PTGER3: variants seen among roughly 807,000 people sequenced by gnomAD.
The protein encoded by PTGER3 is prostaglandin E receptor 3.
PTGER3 carries 22 observed loss-of-function variants against 34.7 expected under a neutral mutation model. The observed-to-expected ratio is 0.63, with a 90% CI of 0.45 to 0.91. The LOEUF (loss-of-function observed/expected upper bound fraction) is 0.91. PTGER3 is among the 40% of genes least tolerant of loss of function. The pLI, the probability that PTGER3 is intolerant of heterozygous loss-of-function variation, is 0.00. For missense variants in PTGER3, 468 were observed against 519.4 expected (o/e 0.90, Z 0.96); for synonymous variants, 241 against 230.1 (o/e 1.05, Z -0.43).
At chr1:70,942,504 T>G (rs190648286) in intron 4 of PTGER3, among the ~76,000 whole-genome samples, 25 of 152,164 alleles carry the variant, frequency 1.6e-4, no homozygotes, top group Non-Finnish European at 4.4e-5. Flanking sequence ...TAAAATTCCA[T>G]AGATAAGCAA....
intron 4 of PTGER3, among the ~76,000 whole-genome samples, chr1:70,884,685 T>G (rs555258984): frequency 6.6e-6 from 1 of 152,362 alleles, no homozygotes; most frequent in South Asian, 2.1e-4. Context: ...TTTAAATCAC[T>G]AAATTTATGG....
At chr1:70,926,472 C>A (rs1246248466) in intron 4 of PTGER3, among the ~76,000 whole-genome samples, 1 of 152,060 alleles carries the variant, frequency 6.6e-6, no homozygotes, top group Admixed American at 6.6e-5. Flanking sequence ...CATGATTTGG[C>A]TCTCTGTTTG....
At chr1:70,985,165 A>G (rs1483676036) in intron 2 of PTGER3, among the ~76,000 whole-genome samples, 1 of 152,218 alleles carries the variant, frequency 6.6e-6, no homozygotes, top group East Asian at 1.9e-4. Flanking sequence ...CGATGGCCTC[A>G]GAGTCAAAAT....
intron 2 of PTGER3, among the ~76,000 whole-genome samples, chr1:70,986,246 G>A (rs1322118037): frequency 2.0e-5 from 3 of 152,144 alleles, no homozygotes; most frequent in East Asian, 1.9e-4. Flanking sequence ...GGCCACAATC[G>A]ACTCTCGGGG....
chr1:70,991,541 T>C (rs1323048451), intron 2 of PTGER3, among the ~76,000 whole-genome samples: 2 of 152,190 alleles, frequency 1.3e-5, no homozygotes, highest in Non-Finnish European at 2.9e-5. Context: ...CAGTCCTTTC[T>C]GGGAACTGCA....
chr1:70,905,930 A>C (rs1646937746), intron 4 of PTGER3, among the ~76,000 whole-genome samples: 1 of 152,166 alleles, frequency 6.6e-6, no homozygotes, highest in Admixed American at 6.5e-5. Context: ...AACTCTCACA[A>C]TTGCCACATG....
intron 2 of PTGER3, among the ~76,000 whole-genome samples, chr1:71,000,295 C>T (rs186493976): frequency 6.6e-6 from 1 of 152,316 alleles, no homozygotes; most frequent in East Asian, 1.9e-4. Flanking sequence ...TCCACAAACC[C>T]CAGTTTCCTT....
At chr1:70,984,977 C>T (rs1344524649) in intron 2 of PTGER3, among the ~76,000 whole-genome samples, 1 of 152,132 alleles carries the variant, frequency 6.6e-6, no homozygotes, top group Non-Finnish European at 1.5e-5. Context: ...CCCCTCCCCA[C>T]TCTCATGGAA....
intron 2 of PTGER3, among the ~76,000 whole-genome samples, chr1:71,004,952 C>T (rs1656813809): frequency 6.6e-6 from 1 of 152,182 alleles, no homozygotes; most frequent in African/African-American, 2.4e-5. Context: ...ATGGCCTCAC[C>T]CCTCAAACCC....
At chr1:70,933,585 G>A (rs1201559041) in intron 4 of PTGER3, among the ~76,000 whole-genome samples, 4 of 152,156 alleles carry the variant, frequency 2.6e-5, no homozygotes, top group African/African-American at 7.2e-5. Flanking sequence ...TAGGCTCAGC[G>A]CATAGGAGGT....
intron 4 of PTGER3, among the ~76,000 whole-genome samples, chr1:70,943,672 A>C (rs1187215488): frequency 6.6e-6 from 1 of 152,128 alleles, no homozygotes; most frequent in Admixed American, 6.6e-5. Context: ...ATACAAGTTT[A>C]ACTAATAATA....
intron 4 of PTGER3, among the ~76,000 whole-genome samples, chr1:70,940,483 A>G (rs1649652777): frequency 6.6e-6 from 1 of 152,206 alleles, no homozygotes. Flanking sequence ...TGCTGCTGAT[A>G]AAGACATACC....
intron 1 of PTGER3, among the ~76,000 whole-genome samples, chr1:71,028,325 G>T (rs980650969): frequency 3.9e-5 from 6 of 152,156 alleles, no homozygotes; most frequent in Non-Finnish European, 7.4e-5. Context: ...CACTTGCGGG[G>T]AACAAGCCGT....
In PTGER3 at chr1:71,007,668, C is replaced by T. The variant is rs1036261898; in HGVS notation, c.1077+4637G>A. On this transcript the variant is annotated intron_variant, in intron 2 of 3. Transcript: ENST00000306666. ...CGTTGAAGTGTATTAGTAAATCACA[C>T]GCATTTCCCTCTGCTTAACATTACA... The T allele has an allele frequency of 1.7e-5, 17 of 985,234 alleles. No homozygotes were observed. In the African/African-American group the frequency reaches 1.9e-4, roughly 11 times the overall value. The allele number at this position is 985,234 out of a possible 1,614,324, so 61.0% of individuals were successfully genotyped here.
At chr1:71,041,996 A>G (rs1429920693) in intron 1 of PTGER3, among the ~76,000 whole-genome samples, 1 of 152,148 alleles carries the variant, frequency 6.6e-6, no homozygotes, top group Non-Finnish European at 1.5e-5. Context: ...TAGTCCCAGA[A>G]AACTAAACCT....
intron 4 of PTGER3, among the ~76,000 whole-genome samples, chr1:70,932,156 C>A (rs1378600085): frequency 6.6e-6 from 1 of 152,158 alleles, no homozygotes; most frequent in African/African-American, 2.4e-5. Context: ...TAAAACATAA[C>A]AAGGATCACC....
At chr1:70,870,120 C>A (rs1444068605) in intron 4 of PTGER3, among the ~76,000 whole-genome samples, 1 of 152,182 alleles carries the variant, frequency 6.6e-6, no homozygotes, top group Non-Finnish European at 1.5e-5. Context: ...AAGCCTCCAC[C>A]ACTCTTGCAC....
intron 4 of PTGER3, among the ~76,000 whole-genome samples, chr1:70,927,932 A>G (rs1648273840): frequency 6.6e-6 from 1 of 152,024 alleles, no homozygotes. Flanking sequence ...TGATCTAATG[A>G]TTTTTAAGTT....
chr1:71,004,769 T>A (rs1656793709), intron 2 of PTGER3, among the ~76,000 whole-genome samples: 1 of 152,240 alleles, frequency 6.6e-6, no homozygotes, highest in African/African-American at 2.4e-5. Context: ...TTGTGCCTAA[T>A]CATCTGTGAA....
Sources: gnomAD v4.1 joint callset for allele counts (sites outside exome capture counted in the v4.1 genomes callset) on GRCh38, gnomAD v4.1.1 for gene constraint, MANE v1.5 for transcripts, NCBI Gene and HGNC (gene_info 2026-07-23, HGNC 2026-07-21) for gene names.